Variants in ELAVL1 observed in about 807,000 individuals in gnomAD.
ELAVL1 encodes the protein ELAV-like protein 1.
In ELAVL1, 1 loss-of-function variant was observed where a neutral mutation model predicts 28.4. That is an observed-to-expected ratio of 0.04 (90% CI 0.01 to 0.17). The LOEUF is 0.17. Among genes scored for constraint, ELAVL1 ranks in the 10% least tolerant of loss-of-function variants. The probability of loss-of-function intolerance (pLI) is 1.00; values close to 1 mark genes in which losing one functional copy is unlikely to be tolerated. For synonymous variants in ELAVL1, 174 were observed against 183.5 expected, an observed-to-expected ratio of 0.95 and a Z score of 0.42; for missense variants, 157 against 447.2, an observed-to-expected ratio of 0.35 and a Z score of 5.85.
chr19:7,967,701 C>T lies in ELAVL1; in HGVS notation c.520G>A (p.Gly174Ser). ...TTCACTGTGATGGGCTCAGAGGAACCTGGGGGTTTATGACCATTGAAACTG... is the reference window on the plus strand; with the variant it reads ...TTCACTGTGATGGGCTCAGAGGAACTTGGGGGTTTATGACCATTGAAACTG... ...ITSFNGHKPP[G>S]SSEPITVKFA... Residue 174 changes from glycine to serine, a missense_variant, in exon 5 of 6, where the codon GGT becomes AGT. Gly to Ser is a moderately conservative substitution (Grantham distance 56). This residue lies in a region of ELAVL1 where 107 missense variants were observed against 310.4 expected (regional missense o/e 0.34). Transcript: ENST00000407627. 6.2e-7 allele frequency: 1 copy of T among 1,614,198 alleles called. No individual in the cohort carries two copies. The highest frequency in any genetic ancestry group is 8.5e-7 in the Non-Finnish European group (1 of 1,180,048).
intron 1 of ELAVL1, among the ~76,000 whole-genome samples, chr19:7,994,825 A>G (rs1057191972): frequency 3.3e-5 from 5 of 152,196 alleles, no homozygotes; most frequent in African/African-American, 1.2e-4. Flanking sequence ...ATGGTGACCC[A>G]TGCCTATAGT....
chr19:7,968,993 A>C (rs2145202661), intron 4 of ELAVL1, among the ~76,000 whole-genome samples: 1 of 152,268 alleles, frequency 6.6e-6, no homozygotes, highest in African/African-American at 2.4e-5. Flanking sequence ...TCTGAGAGTG[A>C]CATCACTAGG....
chr19:7,993,346 G>A (rs1985801276), intron 1 of ELAVL1, among the ~76,000 whole-genome samples: 1 of 152,156 alleles, frequency 6.6e-6, no homozygotes, highest in South Asian at 2.1e-4. Context: ...CCTGTGGGGT[G>A]TACCTGAACC....
intron 3 of ELAVL1, 92 bp from the exon 4 acceptor site, chr19:7,973,970 C>G (rs1985199809): frequency 1.3e-6 from 2 of 1,483,284 alleles, no homozygotes; most frequent in African/African-American, 1.4e-5. Context: ...AAAGCCAACA[C>G]TGTGTGTTAG....
At chr19:7,972,829 TG>T in intron 4 of ELAVL1, 1 of 122,752 alleles carries the variant, frequency 8.1e-6, no homozygotes, top group African/African-American at 3.0e-5. Flanking sequence ...TTTTTTTTTT[TG>T]AGATGAAATC....
chr19:7,973,435 T>C, intron 4 of ELAVL1: 2 of 439,068 alleles, frequency 4.6e-6, no homozygotes, highest in Non-Finnish European at 8.0e-6. Context: ...TTTCACCATG[T>C]TGGTCAGGCT....
chr19:7,991,299 G>A (rs1326680224), intron 2 of ELAVL1, among the ~76,000 whole-genome samples: 2 of 152,138 alleles, frequency 1.3e-5, no homozygotes, highest in Admixed American at 6.5e-5. Context: ...CCTTCCACAC[G>A]TGGGACCCAA....
chr19:7,961,869 A>G lies in ELAVL1; in HGVS notation c.*1614T>C, dbSNP rs1249387751. On this transcript the variant is annotated 3_prime_UTR_variant, in exon 6 of 6. Transcript: ENST00000407627. The stretch of plus-strand genomic sequence containing the variant: ...TAAATACATAAATAGGTATAAATAA[A>G]CAGATAAATACAGCCATCATCTCAT... The G allele has an allele frequency of 1.3e-5, 2 of 152,348 alleles. No homozygotes were observed. The highest frequency in any genetic ancestry group is 3.9e-4 in the East Asian group (2 of 5,194). The allele number at this position is 152,348 out of a possible 1,614,324, so 9.4% of individuals were successfully genotyped here.
At chr19:7,989,775 T>A (rs981156601) in intron 2 of ELAVL1, among the ~76,000 whole-genome samples, 3 of 152,308 alleles carry the variant, frequency 2.0e-5, no homozygotes, top group Non-Finnish European at 4.4e-5. Flanking sequence ...AAAATCCCCA[T>A]TGAGAAGGCG....
At chr19:7,965,108 TGA>T (rs544194903) in intron 5 of ELAVL1, among the ~76,000 whole-genome samples, 29 of 152,346 alleles carry the variant, frequency 1.9e-4, no homozygotes, top group African/African-American at 6.3e-4. Flanking sequence ...TCTTTATTTT[TGA>T]GAGAGGGTCT....
At position 7,965,638 on chromosome 19, in the gene ELAVL1, G is replaced by A. The variant is rs76106147; in HGVS notation, c.657-1831C>T. 9.4e-3 allele frequency among the ~76,000 whole-genome samples: 1,431 copies of A among 152,076 alleles called. 74 individuals carry two copies. In the East Asian group the frequency reaches 0.14, roughly 15 times the overall value. Reference sequence around the variant, plus strand: ...CTTCCATCACTTTGTCTTAGTGGTTGCCCTGCCACTCACTTTTCCTGCTCG... The same window carrying A: ...CTTCCATCACTTTGTCTTAGTGGTTACCCTGCCACTCACTTTTCCTGCTCG... On this transcript the variant is annotated intron_variant, in intron 5 of 5. Coordinates refer to ENST00000407627, the MANE Select transcript of ELAVL1 (RefSeq NM_001419.3).
chr19:8,003,352 T>A (rs1447777277), intron 1 of ELAVL1, among the ~76,000 whole-genome samples: 207 of 38,128 alleles, frequency 5.4e-3, no homozygotes, highest in African/African-American at 0.021. Flanking sequence ...GGTGAAACTG[T>A]CTCAAAAAAA....
chr19:7,990,130 C>G (rs1347364908), intron 2 of ELAVL1, among the ~76,000 whole-genome samples: 1 of 152,184 alleles, frequency 6.6e-6, no homozygotes, highest in African/African-American at 2.4e-5. Context: ...TCAAGTGATT[C>G]TCCTGCCTCG....
rs1443913598 is a variant in ELAVL1, at chr19:7,960,141, C to A, written c.*3342G>T. ...GGAAGCAAACCGGGTCAAGGAATTG[C>A]CACTAACCGTCTTCGGGTGCTTCTA... On this transcript the variant is annotated 3_prime_UTR_variant, in exon 6 of 6. Transcript: ENST00000407627. The A allele has an allele frequency of 6.6e-6, 1 of 152,186 alleles. No individual in the cohort carries two copies. Among genetic ancestry groups the A allele is most frequent in the Admixed American group, 6.6e-5 (1 of 15,264 alleles). 9.4% of individuals were successfully genotyped at this position (152,186 alleles called of 1,614,324 possible). A position where few individuals can be genotyped will look rare whatever the true frequency, so the allele number is the denominator to read the frequency against.
rs1274429221 is a variant in ELAVL1, at chr19:8,005,528, GGGGC to G, written c.-54_-51del. Reference sequence around the variant, plus strand: ...GGGCGGGCGGGCCCGGGGCTGCTCCGGGGCGGGCGGGAGGCGGCGGCGGCGCGGC... The same window carrying G: ...GGGCGGGCGGGCCCGGGGCTGCTCCGGGGCGGGAGGCGGCGGCGGCGCGGC... On this transcript the variant is annotated 5_prime_UTR_variant, in exon 1 of 6. Transcript: ENST00000407627. 3 of 147,670 alleles carry G rather than the reference GGGGC, an allele frequency of 2.0e-5. No homozygotes were observed. Among genetic ancestry groups the G allele is most frequent in the Non-Finnish European group, 4.5e-5 (3 of 66,024 alleles). 9.1% of individuals were successfully genotyped at this position (147,670 alleles called of 1,614,324 possible). A position where few individuals can be genotyped will look rare whatever the true frequency, so the allele number is the denominator to read the frequency against.
intron 4 of ELAVL1, 100 bp from the exon 5 acceptor site, chr19:7,967,890 G>A (rs916335533): frequency 1.5e-6 from 2 of 1,309,658 alleles, no homozygotes; most frequent in Non-Finnish European, 2.1e-6. Flanking sequence ...GGCCAGGCTA[G>A]AAGTCTGGTT....
intron 1 of ELAVL1, among the ~76,000 whole-genome samples, chr19:7,997,749 G>A (rs1299615120): frequency 2.6e-5 from 4 of 151,730 alleles, no homozygotes; most frequent in East Asian, 1.9e-4. Context: ...AGACCAGCCT[G>A]GGCAGCACAG....
At chr19:7,966,868 C>T (rs577628434) in intron 5 of ELAVL1, among the ~76,000 whole-genome samples, 9 of 152,266 alleles carry the variant, frequency 5.9e-5, no homozygotes, top group Admixed American at 5.2e-4. Context: ...ATCCTCCTAA[C>T]TCGGCCTCCT....
chr19:8,002,311 C>T (rs2081070882), intron 1 of ELAVL1: 2 of 374,706 alleles, frequency 5.3e-6, no homozygotes, highest in African/African-American at 2.1e-5. Flanking sequence ...CTGTGCCCAC[C>T]CAGGTCCCTT....
Sources: allele counts gnomAD v4.1 joint callset (sites outside exome capture counted in the v4.1 genomes callset), GRCh38; gene constraint gnomAD v4.1.1; regional missense constraint gnomAD v4.1.1; transcripts MANE v1.5; gene names NCBI Gene and HGNC (gene_info 2026-07-23, HGNC 2026-07-21).